Variants in PRKCB observed in about 807,000 individuals in gnomAD.
The protein encoded by PRKCB is protein kinase C beta.
In PRKCB, 13 loss-of-function variants were observed where a neutral mutation model predicts 81.5. The observed-to-expected ratio is 0.16, with a 90% confidence interval of 0.10 to 0.25. The LOEUF (loss-of-function observed/expected upper bound fraction) is 0.25, where lower values mean the gene tolerates loss of function less well. PRKCB is among the 10% of genes least tolerant of loss of function. PRKCB has a pLI of 1.00. For synonymous variants in PRKCB, 335 were observed against 321.4 expected (o/e 1.04, Z -0.45); for missense variants, 509 against 875.7 (o/e 0.58, Z 5.29).
chr16:23,890,087 A>T (rs912855960), intron 2 of PRKCB, among the ~76,000 whole-genome samples: 1 of 152,244 alleles, frequency 6.6e-6, no homozygotes, highest in Admixed American at 6.5e-5. Flanking sequence ...TAAAACAATA[A>T]ATCAGTTAAT....
chr16:23,877,633 A>C (rs1963036833), intron 2 of PRKCB, among the ~76,000 whole-genome samples: 1 of 152,178 alleles, frequency 6.6e-6, no homozygotes, highest in South Asian at 2.1e-4. Context: ...TGGGCCACTC[A>C]ACTCAGGAAA....
Position 24,184,868 on chromosome 16 carries a change from C to A in PRKCB, c.1534-243C>A, listed in dbSNP as rs1268329067. Among the ~76,000 whole-genome samples the A allele has an allele frequency of 3.9e-5, 6 of 152,140 alleles. No individual in the cohort carries two copies. In the South Asian group the frequency reaches 1.2e-3, roughly 32 times the overall value. ...TTTTTCCTTTTAAAAATTCCATGCT[C>A]ACTGTTTTGAAAATAATAATAACAA... On this transcript the variant is annotated intron_variant, in intron 13 of 16. Coordinates refer to ENST00000643927, the MANE Select transcript of PRKCB (RefSeq NM_002738.7).
At chr16:23,849,409 T>C (rs956997880) in intron 2 of PRKCB, among the ~76,000 whole-genome samples, 4 of 152,206 alleles carry the variant, frequency 2.6e-5, no homozygotes, top group African/African-American at 9.6e-5. Context: ...TGGCCCTATA[T>C]TGAAGATCTT....
intron 3 of PRKCB, among the ~76,000 whole-genome samples, chr16:24,000,598 A>C (rs1356096306): frequency 2.0e-5 from 3 of 152,260 alleles, no homozygotes; most frequent in Non-Finnish European, 4.4e-5. Flanking sequence ...GAAAGAGTTC[A>C]CAAACAAAAG....
chr16:24,195,497 G>A (rs892285987), intron 16 of PRKCB, among the ~76,000 whole-genome samples: 4 of 152,076 alleles, frequency 2.6e-5, no homozygotes, highest in Admixed American at 6.6e-5. Context: ...CAATAACAGA[G>A]GATTATGTTC....
At chr16:24,139,264 T>A (rs1004727445) in intron 9 of PRKCB, among the ~76,000 whole-genome samples, 5 of 152,194 alleles carry the variant, frequency 3.3e-5, no homozygotes, top group Non-Finnish European at 7.3e-5. Context: ...CTGGAATTGA[T>A]CAATATCAAT....
At chr16:24,150,729 T>G (rs1187738098) in intron 9 of PRKCB, among the ~76,000 whole-genome samples, 1 of 152,236 alleles carries the variant, frequency 6.6e-6, no homozygotes, top group East Asian at 1.9e-4. Context: ...TAAAGTTTTA[T>G]TAGACTACGG....
At chr16:24,191,798 G>A (rs1025765710) in intron 16 of PRKCB, among the ~76,000 whole-genome samples, 2 of 152,156 alleles carry the variant, frequency 1.3e-5, no homozygotes, top group African/African-American at 4.8e-5. Context: ...GGAGGGTTTG[G>A]GTGTGGAGAT....
At chr16:24,165,415 C>A (rs1025611701) in intron 10 of PRKCB, among the ~76,000 whole-genome samples, 2 of 152,210 alleles carry the variant, frequency 1.3e-5, no homozygotes, top group Admixed American at 6.5e-5. Flanking sequence ...TCCCTGAGGG[C>A]AAGCCTGAAC....
intron 2 of PRKCB, among the ~76,000 whole-genome samples, chr16:23,851,573 T>C (rs1962473361): frequency 6.6e-6 from 1 of 152,236 alleles, no homozygotes; most frequent in South Asian, 2.1e-4. Flanking sequence ...TGGGGTCTTT[T>C]GTGGTCCCAT....
intron 6 of PRKCB, 44 bp from the exon 7 acceptor site, chr16:24,094,119 A>C: frequency 6.3e-7 from 1 of 1,590,894 alleles, no homozygotes; most frequent in East Asian, 2.2e-5. Flanking sequence ...TGCTTGAGAA[A>C]TTACTACAAC....
chr16:24,088,640 C>A (rs1264176736), intron 5 of PRKCB, among the ~76,000 whole-genome samples: 2 of 149,416 alleles, frequency 1.3e-5, no homozygotes, highest in Non-Finnish European at 3.0e-5. Context: ...GAGGTGGTAG[C>A]ATCGCTTGAT....
At chr16:23,880,590 G>T (rs755926659) in intron 2 of PRKCB, among the ~76,000 whole-genome samples, 3 of 151,774 alleles carry the variant, frequency 2.0e-5, no homozygotes. Context: ...TGTTACTGGG[G>T]GTTCTTTCTG....
At chr16:24,037,277 C>T (rs1324689941) in intron 5 of PRKCB, among the ~76,000 whole-genome samples, 2 of 152,216 alleles carry the variant, frequency 1.3e-5, no homozygotes, top group Non-Finnish European at 2.9e-5. Context: ...GTGTGAGCCA[C>T]TGCGCCCAAC....
intron 1 of PRKCB, chr16:23,837,121 C>T (rs1205203851): frequency 5.3e-6 from 3 of 567,124 alleles, no homozygotes; most frequent in Non-Finnish European, 9.4e-6. Context: ...CCTACCCCGA[C>T]GGAAACGCTC....
At chr16:24,051,639 C>T (rs1471761037) in intron 5 of PRKCB, among the ~76,000 whole-genome samples, 1 of 152,042 alleles carries the variant, frequency 6.6e-6, no homozygotes, top group African/African-American at 2.4e-5. Flanking sequence ...ACTCAGGAGG[C>T]TGAGGTGAAG....
At chr16:24,029,873 T>C (rs1232584961) in intron 3 of PRKCB, among the ~76,000 whole-genome samples, 1 of 152,190 alleles carries the variant, frequency 6.6e-6, no homozygotes, top group African/African-American at 2.4e-5. Context: ...CTAAGGCCCA[T>C]GTTATTAACT....
chr16:23,858,339 G>A (rs555314652), intron 2 of PRKCB, among the ~76,000 whole-genome samples: 15 of 152,270 alleles, frequency 9.9e-5, no homozygotes, highest in African/African-American at 2.4e-4. Context: ...GAAGGGCTCC[G>A]GGGGTCACAG....
intron 15 of PRKCB, among the ~76,000 whole-genome samples, chr16:24,189,789 G>A (rs1388114456): frequency 6.6e-6 from 1 of 152,158 alleles, no homozygotes; most frequent in Non-Finnish European, 1.5e-5. Flanking sequence ...CAGGCTGAGT[G>A]ACTGTCCAAC....
Sources: allele counts gnomAD v4.1 joint callset (sites outside exome capture counted in the v4.1 genomes callset), GRCh38; gene constraint gnomAD v4.1.1; transcripts MANE v1.5; gene names NCBI Gene and HGNC (gene_info 2026-07-23, HGNC 2026-07-21).